CPNE8: variants seen among roughly 807,000 people sequenced by gnomAD.
CPNE8 encodes the protein copine-8.
CPNE8 carries 45 observed loss-of-function variants against 81.5 expected under a neutral mutation model. The ratio of observed to expected loss-of-function variants is 0.55; its 90% CI spans 0.44 to 0.71. CPNE8 has a LOEUF of 0.71. Among genes scored for constraint, CPNE8 ranks in the 30% least tolerant of loss-of-function variants. CPNE8 has a pLI of 0.00. For synonymous variants in CPNE8, 252 were observed against 226.3 expected (o/e 1.11, Z -1.02); for missense variants, 594 against 672.1 (o/e 0.88, Z 1.28).
chr12:38,874,328 G>A (rs569927326), intron 2 of CPNE8, 143 bp downstream of exon 2: 17 of 614,966 alleles, frequency 2.8e-5, no homozygotes, highest in African/African-American at 2.3e-4. Context: ...AGTACTGCCC[G>A]GGGTTGATGA....
chr12:38,870,427 T>C (rs1414308129), intron 3 of CPNE8, among the ~76,000 whole-genome samples: 1 of 151,906 alleles, frequency 6.6e-6, no homozygotes, highest in Non-Finnish European at 1.5e-5. Flanking sequence ...ATAAAGAAAA[T>C]GTGGCACATA....
chr12:38,848,599 C>G lies in CPNE8; in HGVS notation c.250G>C (p.Asp84His). ...TTCTCTCTTTCTTCAAAAAAGTAGTCCAGAATAAACTTTCTTACAAAATCA... is the reference window on the plus strand; with the variant it reads ...TTCTCTCTTTCTTCAAAAAAGTAGTGCAGAATAAACTTTCTTACAAAATCA... ...NPDFVRKFILDYFFEERENLR... is the reference protein window; with the variant it reads ...NPDFVRKFILHYFFEERENLR... Residue 84 changes from aspartate to histidine, a missense_variant, in exon 4 of 20, where the codon GAC becomes CAC. Coordinates refer to ENST00000331366, the MANE Select transcript of CPNE8 (RefSeq NM_153634.3). 5 of 1,592,820 alleles carry G rather than the reference C, an allele frequency of 3.1e-6. No individual in the cohort carries two copies. The South Asian group carries it at 4.6e-5, about 15-fold the overall frequency.
chr12:38,658,197 G>T (rs950951433), intron 19 of CPNE8, among the ~76,000 whole-genome samples: 4 of 152,154 alleles, frequency 2.6e-5, no homozygotes, highest in Admixed American at 2.6e-4. Context: ...GCGTAGAGAA[G>T]ACCTTAAATG....
intron 6 of CPNE8, among the ~76,000 whole-genome samples, chr12:38,794,372 G>A (rs1018447932): frequency 1.3e-5 from 2 of 151,984 alleles, no homozygotes; most frequent in African/African-American, 4.8e-5. Context: ...CATAGGGCTG[G>A]AATAGACATT....
chr12:38,697,496 T>C (rs1016441192), intron 14 of CPNE8, among the ~76,000 whole-genome samples: 1 of 152,226 alleles, frequency 6.6e-6, no homozygotes, highest in African/African-American at 2.4e-5. Flanking sequence ...CATATGTTTT[T>C]AAGTCTCTTG....
intron 5 of CPNE8, among the ~76,000 whole-genome samples, chr12:38,831,062 C>A (rs1275709368): frequency 6.6e-6 from 1 of 152,136 alleles, no homozygotes; most frequent in Non-Finnish European, 1.5e-5. Flanking sequence ...TGTAGACTAG[C>A]ATAGTCAAGG....
rs143544279 is a variant in CPNE8, at chr12:38,898,189, T to G, written c.98+7248A>C. Reference sequence around the variant, plus strand: ...TGTGGGATCCTGTCCTTTAAACTGCTTCTAGATTAGCATTCTCCACATACC... The same window carrying G: ...TGTGGGATCCTGTCCTTTAAACTGCGTCTAGATTAGCATTCTCCACATACC... On this transcript the variant is annotated intron_variant, in intron 1 of 19. Transcript: ENST00000331366. 1.1e-3 allele frequency among the ~76,000 whole-genome samples: 160 copies of G among 152,234 alleles called. 1 individual carries two copies. Among genetic ancestry groups the G allele is most frequent in the African/African-American group, 3.6e-3 (148 of 41,532 alleles).
At chr12:38,795,729 A>C (rs1350039202) in intron 6 of CPNE8, among the ~76,000 whole-genome samples, 1 of 152,152 alleles carries the variant, frequency 6.6e-6, no homozygotes, top group Non-Finnish European at 1.5e-5. Context: ...GAGGAAAAGG[A>C]GTGTTGTTTA....
intron 6 of CPNE8, among the ~76,000 whole-genome samples, chr12:38,795,899 A>AGATAGATAGATG (rs1313538964): frequency 2.0e-5 from 3 of 152,050 alleles, no homozygotes; most frequent in Non-Finnish European, 2.9e-5. Context: ...ATAGATAGAT[A>AGATAGATAGATG]GAAGATAGAT....
chr12:38,822,685 C>T (rs1452736084), intron 6 of CPNE8, among the ~76,000 whole-genome samples: 2 of 152,118 alleles, frequency 1.3e-5, no homozygotes, highest in Non-Finnish European at 2.9e-5. Flanking sequence ...GCTCCCAAAG[C>T]TCATGTACTA....
intron 16 of CPNE8, among the ~76,000 whole-genome samples, chr12:38,684,431 A>C (rs1164763848): frequency 6.6e-6 from 1 of 152,092 alleles, no homozygotes; most frequent in Non-Finnish European, 1.5e-5. Context: ...TATATTAATA[A>C]AATTCATATT....
intron 11 of CPNE8, among the ~76,000 whole-genome samples, 184 bp from the exon 12 acceptor site, chr12:38,725,083 G>C (rs962297542): frequency 3.3e-5 from 5 of 152,094 alleles, no homozygotes; most frequent in Non-Finnish European, 5.9e-5. Flanking sequence ...AGTTAATAGT[G>C]ACTATCTTTT....
At chr12:38,704,846 A>ATATATATATATATATATTTAAATT in intron 13 of CPNE8, among the ~76,000 whole-genome samples, 1 of 133,904 alleles carries the variant, frequency 7.5e-6, no homozygotes, top group South Asian at 2.3e-4. Flanking sequence ...ATATATATAT[A>ATATATATATATATATATTTAAATT]TATATATATA....
At chr12:38,704,385 T>C (rs1592022894) in intron 13 of CPNE8, among the ~76,000 whole-genome samples, 1 of 152,254 alleles carries the variant, frequency 6.6e-6, no homozygotes, top group African/African-American at 2.4e-5. Context: ...TGTGTGCGTG[T>C]GTGTGTGTGT....
chr12:38,656,799 A>G (rs1487262914), intron 19 of CPNE8, among the ~76,000 whole-genome samples: 1 of 152,166 alleles, frequency 6.6e-6, no homozygotes, highest in Non-Finnish European at 1.5e-5. Context: ...AACTTAGCTT[A>G]AAGGATCCTC....
At chr12:38,706,744 G>A (rs909530461) in intron 13 of CPNE8, among the ~76,000 whole-genome samples, 23 of 152,116 alleles carry the variant, frequency 1.5e-4, no homozygotes, top group African/African-American at 5.6e-4. Flanking sequence ...ACTCTCTCTT[G>A]CAACAGTGTC....
At chr12:38,666,997 T>G (rs1939070279) in intron 19 of CPNE8, among the ~76,000 whole-genome samples, 1 of 152,192 alleles carries the variant, frequency 6.6e-6, no homozygotes, top group African/African-American at 2.4e-5. Context: ...AATAAAGGGT[T>G]AAATATCGTT....
chr12:38,725,933 A>C (rs2136752533), intron 11 of CPNE8, among the ~76,000 whole-genome samples: 1 of 152,340 alleles, frequency 6.6e-6, no homozygotes, highest in East Asian at 1.9e-4. Context: ...CATGGAAGAC[A>C]GTTTCCCCAC....
chr12:38,836,085 G>A (rs904433226), intron 5 of CPNE8, among the ~76,000 whole-genome samples: 2 of 152,108 alleles, frequency 1.3e-5, no homozygotes, highest in African/African-American at 4.8e-5. Context: ...GCAAATGAAA[G>A]TATGCTATGT....
Sources: gnomAD v4.1 joint callset for allele counts (sites outside exome capture counted in the v4.1 genomes callset) on GRCh38, gnomAD v4.1.1 for gene constraint, MANE v1.5 for transcripts, NCBI Gene and HGNC (gene_info 2026-07-23, HGNC 2026-07-21) for gene names.